Variants in UCHL5 observed in about 807,000 individuals in gnomAD.
UCHL5 encodes the protein ubiquitin C-terminal hydrolase L5, also known as ubiquitin carboxyl-terminal hydrolase isozyme L5.
Under a neutral mutation model 53.8 loss-of-function variants are expected in UCHL5, and 34 were observed. The ratio of observed to expected loss-of-function variants is 0.63; its 90% confidence interval spans 0.48 to 0.84. UCHL5 has a LOEUF of 0.84. Among genes scored for constraint, UCHL5 ranks in the 40% least tolerant of loss-of-function variants. The probability of loss-of-function intolerance (pLI) is 0.00; values close to 1 mark genes in which losing one functional copy is unlikely to be tolerated. For synonymous variants in UCHL5, 111 were observed against 126.3 expected (o/e 0.88, Z 0.81); for missense variants, 290 against 385.6 (o/e 0.75, Z 2.08).
Position 193,013,908 on chromosome 1 carries a change from C to G in UCHL5, c.*2443G>C, listed in dbSNP as rs993077324. On this transcript the variant is annotated 3_prime_UTR_variant, in exon 11 of 11. Coordinates refer to ENST00000367454, the MANE Select transcript of UCHL5 (RefSeq NM_001199261.3). Reference sequence around the variant, plus strand: ...GGAAAAGGGCAAGCTATCTTGGGAACTAAACATATAAGGTGAGAGTAGCCA... The same window carrying G: ...GGAAAAGGGCAAGCTATCTTGGGAAGTAAACATATAAGGTGAGAGTAGCCA... 1 of 152,086 alleles carries G rather than the reference C, an allele frequency of 6.6e-6. No homozygotes were observed. The highest frequency in any genetic ancestry group is 1.5e-5 in the Non-Finnish European group (1 of 68,020). 9.4% of individuals were successfully genotyped at this position (152,086 alleles called of 1,614,324 possible).
At chr1:193,023,181 A>G (rs1657798994) in intron 8 of UCHL5, 145 bp from the exon 9 acceptor site, 2 of 600,702 alleles carry the variant, frequency 3.3e-6, no homozygotes, top group African/African-American at 1.9e-5. Context: ...CAGCAGCATT[A>G]AAGGATAAAA....
At chr1:193,023,738 C>T in intron 8 of UCHL5, 106 bp downstream of exon 8, 2 of 855,120 alleles carry the variant, frequency 2.3e-6, no homozygotes. Flanking sequence ...TGTGTATTCG[C>T]TTAGCCACCA....
intron 3 of UCHL5, among the ~76,000 whole-genome samples, chr1:193,048,602 G>T (rs558186448): frequency 2.0e-5 from 3 of 152,174 alleles, no homozygotes; most frequent in Admixed American, 2.0e-4. Context: ...ACCTGAAAAA[G>T]ATAATATTTC....
intron 10 of UCHL5, chr1:193,019,795 A>G (rs1571439003): frequency 1.1e-6 from 1 of 890,626 alleles, no homozygotes. Flanking sequence ...TGCACACACA[A>G]AAAATTCTGT....
Position 193,029,517 on chromosome 1 carries a change from G to C in UCHL5, c.372+15C>G. On this transcript the variant is annotated intron_variant, in intron 4 of 10. Coordinates refer to ENST00000367454, the MANE Select transcript of UCHL5 (RefSeq NM_001199261.3). ...CACAAATATGACATTTTAGGAATAA[G>C]AAGATTGTACTCACAGCTGCATCAA... 7.4e-6 allele frequency: 12 copies of C among 1,612,758 alleles called. No individual in the cohort carries two copies. Among genetic ancestry groups the C allele is most frequent in the Non-Finnish European group, 1.0e-5 (12 of 1,179,570 alleles).
intron 3 of UCHL5, among the ~76,000 whole-genome samples, chr1:193,040,864 T>C (rs1188044223): frequency 6.6e-6 from 1 of 152,274 alleles, no homozygotes; most frequent in East Asian, 1.9e-4. Flanking sequence ...TGGAGGTCAT[T>C]ATGTTAAATG....
chr1:193,058,823 G>A (rs1353847239), intron 1 of UCHL5, among the ~76,000 whole-genome samples: 1 of 152,248 alleles, frequency 6.6e-6, no homozygotes, highest in African/African-American at 2.4e-5. Flanking sequence ...GACCTCACCA[G>A]CCCGGGATAA....
intron 1 of UCHL5, among the ~76,000 whole-genome samples, chr1:193,056,234 A>T (rs1017634562): frequency 6.6e-6 from 1 of 152,122 alleles, no homozygotes; most frequent in Non-Finnish European, 1.5e-5. Flanking sequence ...TCATTCCTAT[A>T]CTGAAATACA....
At chr1:193,025,511 G>A (rs78621568) in intron 7 of UCHL5, among the ~76,000 whole-genome samples, 3,471 of 152,282 alleles carry the variant, frequency 0.023, 56 homozygotes, top group Non-Finnish European at 0.036. Context: ...AGTATGAGTG[G>A]AAAGCAATAG....
At chr1:193,030,553 T>C (rs1039815921) in intron 3 of UCHL5, among the ~76,000 whole-genome samples, 7 of 152,156 alleles carry the variant, frequency 4.6e-5, no homozygotes, top group African/African-American at 1.7e-4. Flanking sequence ...GGTATTGAGA[T>C]CATGAAGCTG....
chr1:193,042,252 AC>A (rs1377912353), intron 3 of UCHL5, among the ~76,000 whole-genome samples: 2 of 152,242 alleles, frequency 1.3e-5, no homozygotes, highest in Admixed American at 1.3e-4. Flanking sequence ...CATAAGGGTT[AC>A]ACTGGATGGA....
chr1:193,059,063 C>T lies in UCHL5; in HGVS notation c.76+122G>A, dbSNP rs1671874358. The T allele has an allele frequency of 4.0e-6, 4 of 1,001,574 alleles. No homozygotes were observed. The South Asian group carries it at 7.2e-5, about 18-fold the overall frequency. 62.0% of individuals were successfully genotyped at this position (1,001,574 alleles called of 1,614,324 possible). On this transcript the variant is annotated intron_variant, in intron 1 of 10. Coordinates refer to ENST00000367454, the MANE Select transcript of UCHL5 (RefSeq NM_001199261.3). The surrounding 1 kb of genome is among the most constrained non-coding windows in gnomAD (Gnocchi z 4.9). ...AACATCTACATTTCCCCCACCCGGACTCCAGGTTCCTGAAGTCACCTCTCC... is the reference window on the plus strand; with the variant it reads ...AACATCTACATTTCCCCCACCCGGATTCCAGGTTCCTGAAGTCACCTCTCC...
chr1:193,014,450 G>A lies in UCHL5; in HGVS notation c.*1901C>T, dbSNP rs561168848. 5 of 152,156 alleles carry A rather than the reference G, an allele frequency of 3.3e-5. No homozygotes were observed. In the South Asian group the frequency reaches 1.0e-3, roughly 32 times the overall value. 9.4% of individuals were successfully genotyped at this position (152,156 alleles called of 1,614,324 possible). A position where few individuals can be genotyped will look rare whatever the true frequency, so the allele number is the denominator to read the frequency against. On this transcript the variant is annotated 3_prime_UTR_variant, in exon 11 of 11. Transcript: ENST00000367454. ...TATTACTTTTGTTAACACTTTCAAT[G>A]ACAATTCTGATGAGCTCTAATTTTG...
chr1:193,016,448 T>C (rs1428865910), intron 10 of UCHL5, 53 bp from the exon 11 acceptor site: 21 of 1,528,492 alleles, frequency 1.4e-5, no homozygotes, highest in Non-Finnish European at 1.9e-5. Flanking sequence ...TTTTAGACTA[T>C]ATTAGAATAA....
chr1:193,051,603 A>C, intron 2 of UCHL5, 151 bp downstream of exon 2: 1 of 387,706 alleles, frequency 2.6e-6, no homozygotes, highest in Non-Finnish European at 4.6e-6. Flanking sequence ...AAATAATAAT[A>C]ATATCTATCT....
chr1:193,052,888 C>T (rs1419654043), intron 1 of UCHL5, among the ~76,000 whole-genome samples: 4 of 151,980 alleles, frequency 2.6e-5, no homozygotes, highest in Non-Finnish European at 5.9e-5. Flanking sequence ...AAAGTCTGGG[C>T]GCTTTCTAAT....
chr1:193,038,205 A>G (rs145429347), intron 3 of UCHL5, among the ~76,000 whole-genome samples: 3,784 of 152,144 alleles, frequency 0.025, 80 homozygotes, highest in African/African-American at 0.056. Context: ...GCCTGTAATC[A>G]CAGCACTTTG....
At chr1:193,038,710 A>G (rs1374027394) in intron 3 of UCHL5, among the ~76,000 whole-genome samples, 1 of 151,986 alleles carries the variant, frequency 6.6e-6, no homozygotes, top group Non-Finnish European at 1.5e-5. Context: ...AAGTTGCAGG[A>G]TATAACCAAG....
chr1:193,058,496 G>A (rs1342785425), intron 1 of UCHL5, among the ~76,000 whole-genome samples: 1 of 152,232 alleles, frequency 6.6e-6, no homozygotes, highest in Non-Finnish European at 1.5e-5. Context: ...TGATTATTTA[G>A]GACGAAAGGC....
Sources: allele counts gnomAD v4.1 joint callset (sites outside exome capture counted in the v4.1 genomes callset), GRCh38; gene constraint gnomAD v4.1.1; non-coding constraint Gnocchi (gnomAD v3.1); transcripts MANE v1.5; gene names NCBI Gene and HGNC (gene_info 2026-07-23, HGNC 2026-07-21).